The following SFMBT1 variants were observed in gnomAD, a reference collection of about 807,000 sequenced individuals.
SFMBT1 encodes the protein scm-like with four MBT domains protein 1.
A neutral mutation model predicts 108.7 loss-of-function variants in SFMBT1; 32 were observed. That is an observed-to-expected ratio of 0.29 (90% CI 0.22 to 0.40). The LOEUF (loss-of-function observed/expected upper bound fraction) is 0.40, where lower values mean the gene tolerates loss of function less well. SFMBT1 is among the 10% of genes least tolerant of loss of function. The pLI is 1.00. For missense variants in SFMBT1, 816 were observed against 1,059.6 expected (o/e 0.77, Z 3.19); for synonymous variants, 348 against 369.5 (o/e 0.94, Z 0.67).
At chr3:53,037,108 CA>C (rs1699892892) in intron 1 of SFMBT1, among the ~76,000 whole-genome samples, 1 of 152,182 alleles carries the variant, frequency 6.6e-6, no homozygotes, top group South Asian at 2.1e-4. Context: ...AAGCCAAAAA[CA>C]GGAGTAAAAG....
chr3:53,037,180 C>T (rs1311462524), intron 1 of SFMBT1, among the ~76,000 whole-genome samples: 1 of 152,176 alleles, frequency 6.6e-6, no homozygotes, highest in Non-Finnish European at 1.5e-5. Context: ...TGACTGGCTG[C>T]GGGATCATGC....
At chr3:53,040,967 AATTTTTTTTTTTTTTTTTTTT>A (rs1455237581) in intron 1 of SFMBT1, among the ~76,000 whole-genome samples, 1 of 72,834 alleles carries the variant, frequency 1.4e-5, no homozygotes, top group African/African-American at 4.9e-5. Context: ...AAGACACCTG[AATTTTTTTTTTTTTTTTTTTT>A]TTTTTTTTTT....
At chr3:52,963,899 T>C (rs191444397) in intron 2 of SFMBT1, among the ~76,000 whole-genome samples, 3 of 152,328 alleles carry the variant, frequency 2.0e-5, no homozygotes, top group East Asian at 3.8e-4. Context: ...AGGACTTCTA[T>C]AGGATAAAAA....
At chr3:52,928,895 C>T (rs1264823119) in intron 8 of SFMBT1, among the ~76,000 whole-genome samples, 2 of 150,858 alleles carry the variant, frequency 1.3e-5, no homozygotes, top group Non-Finnish European at 3.0e-5. Context: ...TGTAGAGACT[C>T]GGTCTCCATA....
Position 52,954,331 on chromosome 3 carries a change from C to T in SFMBT1, c.109G>A (p.Gly37Arg), listed in dbSNP as rs1290300194. Residue 37 changes from glycine to arginine, a missense_variant, in exon 3 of 21, where the codon GGG becomes AGG. Coordinates refer to ENST00000394752, the MANE Select transcript of SFMBT1 (RefSeq NM_016329.4). Reference sequence around the variant, plus strand: ...TTATTGCTTACATGTTTAAAAGACCCATAGGGAACTGCTGTGGACCCTGTT... The same window carrying T: ...TTATTGCTTACATGTTTAAAAGACCTATAGGGAACTGCTGTGGACCCTGTT... ...EETGSTAVPY[G>R]SFKHVDTRLQ... 1 of 1,612,810 alleles carries T rather than the reference C, an allele frequency of 6.2e-7. No individual in the cohort carries two copies. The highest frequency in any genetic ancestry group is 1.7e-5 in the Admixed American group (1 of 59,866).
chr3:53,007,311 T>G (rs1204071857), intron 1 of SFMBT1, among the ~76,000 whole-genome samples: 1 of 152,238 alleles, frequency 6.6e-6, no homozygotes, highest in Non-Finnish European at 1.5e-5. Flanking sequence ...AATATCAGGC[T>G]GCCTGCCACC....
intron 1 of SFMBT1, among the ~76,000 whole-genome samples, chr3:52,993,900 TTATTA>T (rs1187926585): frequency 6.7e-6 from 1 of 150,252 alleles, no homozygotes; most frequent in Non-Finnish European, 1.5e-5. Flanking sequence ...AAGCAACCAA[TTATTA>T]TATACTCATT....
intron 1 of SFMBT1, among the ~76,000 whole-genome samples, chr3:53,033,925 C>T (rs1215256300): frequency 6.6e-6 from 1 of 151,734 alleles, no homozygotes; most frequent in South Asian, 2.1e-4. Flanking sequence ...AAAAAATTAG[C>T]GGGGTGTGGT....
intron 1 of SFMBT1, among the ~76,000 whole-genome samples, chr3:52,969,837 C>G (rs1263989746): frequency 1.3e-5 from 2 of 152,114 alleles, no homozygotes; most frequent in African/African-American, 4.8e-5. Flanking sequence ...AGCGGTGGCT[C>G]ATGACTGTAA....
intron 3 of SFMBT1, among the ~76,000 whole-genome samples, chr3:52,948,776 G>C (rs1245623009): frequency 6.8e-6 from 1 of 146,992 alleles, no homozygotes; most frequent in African/African-American, 2.5e-5. Flanking sequence ...CCCAGCCTCT[G>C]ATGTAGCTAG....
intron 2 of SFMBT1, among the ~76,000 whole-genome samples, chr3:52,957,420 A>G (rs1361371910): frequency 6.6e-6 from 1 of 152,230 alleles, no homozygotes; most frequent in Non-Finnish European, 1.5e-5. Flanking sequence ...TATAGATTCA[A>G]TACTATTCCC....
intron 1 of SFMBT1, among the ~76,000 whole-genome samples, chr3:52,986,279 T>C (rs564639818): frequency 1.3e-5 from 2 of 152,332 alleles, no homozygotes; most frequent in African/African-American, 2.4e-5. Context: ...GGGATATTAC[T>C]GTATACTACT....
intron 1 of SFMBT1, among the ~76,000 whole-genome samples, chr3:52,985,383 A>G (rs1704868992): frequency 6.6e-6 from 1 of 152,218 alleles, no homozygotes; most frequent in African/African-American, 2.4e-5. Flanking sequence ...AAAAGAAAAG[A>G]TTATTTGAGT....
At chr3:52,926,391 T>A (rs1702660178) in intron 9 of SFMBT1, among the ~76,000 whole-genome samples, 1 of 152,268 alleles carries the variant, frequency 6.6e-6, no homozygotes, top group Non-Finnish European at 1.5e-5. Context: ...CTATTTTATA[T>A]GATTAGTTGC....
intron 1 of SFMBT1, among the ~76,000 whole-genome samples, chr3:53,023,868 C>T (rs191668131): frequency 5.7e-3 from 867 of 152,302 alleles, no homozygotes; most frequent in Non-Finnish European, 9.0e-3. Flanking sequence ...AATAGCCCTC[C>T]AAATTCAAAA....
intron 2 of SFMBT1, among the ~76,000 whole-genome samples, chr3:52,965,366 A>G (rs1575406942): frequency 1.3e-5 from 2 of 151,986 alleles, no homozygotes; most frequent in Admixed American, 6.6e-5. Flanking sequence ...CTGTGGGACA[A>G]TAAGATAAGC....
At chr3:52,930,605 G>C (rs1702825831) in intron 7 of SFMBT1, among the ~76,000 whole-genome samples, 175 bp from the exon 8 acceptor site, 1 of 151,390 alleles carries the variant, frequency 6.6e-6, no homozygotes, top group Non-Finnish European at 1.5e-5. Context: ...AAACTATCCA[G>C]GAAAAAACAA....
rs770878261 is a variant in SFMBT1, at chr3:52,907,741, TG to T, written c.1907-9del. 4.4e-5 allele frequency: 69 copies of T among 1,579,028 alleles called. No individual in the cohort carries two copies. The highest frequency in any genetic ancestry group is 5.7e-5 in the Non-Finnish European group (66 of 1,167,326). On this transcript the variant is annotated splice_polypyrimidine_tract_variant and intron_variant, in intron 17 of 20. Coordinates refer to ENST00000394752, the MANE Select transcript of SFMBT1 (RefSeq NM_016329.4). ...TCTTTCCGTAATAGTGTGCTAAATG[TG>T]GATGACAAAGAAAAATGAAGTAGCT...
Position 53,024,765 on chromosome 3 carries a change from G to A in SFMBT1, c.-131+21051C>T, listed in dbSNP as rs926096722. ...AGTCAGGGGCCGGTCCAACAATCTC[G>A]CTGGAAATCATACAACAGAAACTTC... On this transcript the variant is annotated intron_variant, in intron 1 of 20. Coordinates refer to ENST00000394752, the MANE Select transcript of SFMBT1 (RefSeq NM_016329.4). Among the ~76,000 whole-genome samples, 7 of 152,256 alleles carry A rather than the reference G, an allele frequency of 4.6e-5. No homozygotes were observed. The South Asian group carries it at 6.2e-4, about 14-fold the overall frequency.
Sources: gnomAD v4.1 joint callset for allele counts (sites outside exome capture counted in the v4.1 genomes callset) on GRCh38, gnomAD v4.1.1 for gene constraint, MANE v1.5 for transcripts, NCBI Gene and HGNC (gene_info 2026-07-23, HGNC 2026-07-21) for gene names.